The following TENM2 variants were observed in gnomAD, a reference collection of about 807,000 sequenced individuals.
The protein encoded by TENM2 is teneurin-2.
A neutral mutation model predicts 245.2 loss-of-function variants in TENM2; 52 were observed. The ratio of observed to expected loss-of-function variants is 0.21; its 90% CI spans 0.17 to 0.27. The LOEUF is 0.27. Ranked by LOEUF, TENM2 falls within the 10% of genes least tolerant of loss-of-function variation. The pLI, the probability that TENM2 is intolerant of heterozygous loss-of-function variation, is 1.00. For synonymous variants in TENM2, 1,363 were observed against 1,438.9 expected (o/e 0.95, Z 1.19); for missense variants, 3,046 against 3,666.8 (o/e 0.83, Z 4.37).
chr5:167,233,502 T>G, the TENM2 span, among the ~76,000 whole-genome samples: 7 of 152,206 alleles, frequency 4.6e-5, no homozygotes, highest in Non-Finnish European at 1.0e-4. Flanking sequence ...TCACCAGGTT[T>G]CAACCCATCT....
At chr5:167,976,346 G>A (rs576147409) in intron 4 of TENM2, among the ~76,000 whole-genome samples, 8 of 151,912 alleles carry the variant, frequency 5.3e-5, no homozygotes, top group South Asian at 2.1e-4. Flanking sequence ...GAGAAGAAGG[G>A]TATATATATA....
At chr5:167,214,322 G>A in the TENM2 span, among the ~76,000 whole-genome samples, 1 of 152,170 alleles carries the variant, frequency 6.6e-6, no homozygotes, top group African/African-American at 2.4e-5. Context: ...CTAAGGTGGT[G>A]CTAGCTGCCT....
intron 10 of TENM2, among the ~76,000 whole-genome samples, chr5:168,120,371 C>T (rs1795384604): frequency 6.6e-6 from 1 of 152,152 alleles, no homozygotes. Flanking sequence ...AAATGGATTG[C>T]AGGAGGCAAA....
intron 2 of TENM2, among the ~76,000 whole-genome samples, chr5:167,585,926 A>T (rs78615047): frequency 0.017 from 2,558 of 152,120 alleles, 79 homozygotes; most frequent in East Asian, 0.11. Context: ...GGGGTTTGAG[A>T]CCAGCCTGGG....
At chr5:168,154,147 T>TAAAA (rs70976465) in intron 12 of TENM2, among the ~76,000 whole-genome samples, 5,339 of 84,696 alleles carry the variant, frequency 0.063, 266 homozygotes, top group African/African-American at 0.093. Context: ...TCACCTACTT[T>TAAAA]AAAAAAAAAA....
chr5:167,860,256 C>A (rs866865754), intron 2 of TENM2, among the ~76,000 whole-genome samples: 3,658 of 96,852 alleles, frequency 0.038, no homozygotes, highest in East Asian at 0.15. Flanking sequence ...TCAGCCCCCC[C>A]GCCCGGCCAG....
At chr5:167,877,043 G>C (rs1393123282) in intron 3 of TENM2, among the ~76,000 whole-genome samples, 1 of 152,174 alleles carries the variant, frequency 6.6e-6, no homozygotes, top group Non-Finnish European at 1.5e-5. Flanking sequence ...GCAATAACTA[G>C]AGTATAAGTG....
At chr5:167,284,918 G>A (rs765763752) in exon 1 of TENM2, 6 of 1,551,606 alleles carry the variant, frequency 3.9e-6, no homozygotes. Context: ...GCTCCTCTCT[G>A]GACAGTGAGG....
intron 2 of TENM2, among the ~76,000 whole-genome samples, chr5:167,431,627 A>G (rs1349310229): frequency 6.6e-6 from 1 of 152,018 alleles, no homozygotes; most frequent in Non-Finnish European, 1.5e-5. Context: ...TGAAATATAT[A>G]TGTATACTTC....
At chr5:167,423,144 A>AT (rs1763609118) in intron 2 of TENM2, among the ~76,000 whole-genome samples, 1 of 151,494 alleles carries the variant, frequency 6.6e-6, no homozygotes, top group Non-Finnish European at 1.5e-5. Flanking sequence ...CACCCATTCT[A>AT]TTTTTTCATT....
chr5:167,520,027 C>G (rs993236272), intron 2 of TENM2, among the ~76,000 whole-genome samples: 1 of 152,062 alleles, frequency 6.6e-6, no homozygotes, highest in Non-Finnish European at 1.5e-5. Flanking sequence ...AAATTAGAAC[C>G]TTGATTCAAT....
the TENM2 span, among the ~76,000 whole-genome samples, chr5:167,188,713 A>T: frequency 0.033 from 5,054 of 152,240 alleles, 286 homozygotes; most frequent in African/African-American, 0.11. Context: ...AGCCAGAAGG[A>T]GTCTTTAGGT....
chr5:167,705,412 C>T (rs1758437497), intron 2 of TENM2, among the ~76,000 whole-genome samples: 1 of 152,084 alleles, frequency 6.6e-6, no homozygotes, highest in East Asian at 1.9e-4. Flanking sequence ...ACCCACACAC[C>T]CTGCCCAGCT....
At chr5:167,462,531 C>T (rs1766380456) in intron 2 of TENM2, among the ~76,000 whole-genome samples, 1 of 152,040 alleles carries the variant, frequency 6.6e-6, no homozygotes, top group African/African-American at 2.4e-5. Context: ...TATTGCATTG[C>T]CAATGGAGAT....
chr5:167,954,391 T>G (rs148822801), intron 4 of TENM2, among the ~76,000 whole-genome samples: 1,663 of 152,338 alleles, frequency 0.011, 35 homozygotes, highest in African/African-American at 0.038. Flanking sequence ...TAGGTGCAGT[T>G]TTGGCATGCA....
At chr5:166,986,351 C>G in the TENM2 span, among the ~76,000 whole-genome samples, 2 of 152,102 alleles carry the variant, frequency 1.3e-5, no homozygotes, top group South Asian at 2.1e-4. Flanking sequence ...TTACTCTGCT[C>G]TCAGTTTAAT....
chr5:168,183,253 C>G (rs916889962), intron 13 of TENM2, among the ~76,000 whole-genome samples: 1 of 152,174 alleles, frequency 6.6e-6, no homozygotes, highest in Non-Finnish European at 1.5e-5. Context: ...ACGGCCAGCC[C>G]CAGTTCCAGC....
chr5:167,328,757 G>A (rs1363348025), intron 1 of TENM2, among the ~76,000 whole-genome samples: 1 of 152,050 alleles, frequency 6.6e-6, no homozygotes, highest in Non-Finnish European at 1.5e-5. Flanking sequence ...CACCTAAACA[G>A]TGAGGTCTTC....
chr5:167,529,052 G>C (rs1051820676), intron 2 of TENM2, among the ~76,000 whole-genome samples: 1 of 152,088 alleles, frequency 6.6e-6, no homozygotes, highest in African/African-American at 2.4e-5. Context: ...TCTAATAATG[G>C]TAAAGATAAT....
Sources: gnomAD v4.1 joint callset for allele counts (sites outside exome capture counted in the v4.1 genomes callset) on GRCh38, gnomAD v4.1.1 for gene constraint, MANE v1.5 for transcripts, NCBI Gene and HGNC (gene_info 2026-07-23, HGNC 2026-07-21) for gene names.